The following VAV3 variants were observed in gnomAD, a reference collection of about 807,000 sequenced individuals.
VAV3 encodes guanine nucleotide exchange factor VAV3.
In VAV3, 94 loss-of-function variants were observed where a neutral mutation model predicts 131.2. The observed-to-expected ratio is 0.72, with a 90% confidence interval of 0.61 to 0.85. VAV3 has a LOEUF of 0.85. VAV3 is among the 40% of genes least tolerant of loss of function. VAV3 has a pLI of 0.00. For missense variants in VAV3, 939 were observed against 1,002.7 expected (o/e 0.94, Z 0.86); for synonymous variants, 349 against 342.0 (o/e 1.02, Z -0.22).
intron 8 of VAV3, among the ~76,000 whole-genome samples, chr1:107,766,202 C>T (rs533493426): frequency 3.3e-5 from 5 of 152,110 alleles, no homozygotes; most frequent in South Asian, 2.1e-4. Flanking sequence ...TTTTGATTTG[C>T]GATGCAAAAA....
chr1:107,831,594 G>C (rs954127037), intron 2 of VAV3, among the ~76,000 whole-genome samples: 2 of 152,028 alleles, frequency 1.3e-5, no homozygotes, highest in Non-Finnish European at 2.9e-5. Context: ...TCTCTCCATT[G>C]ATTTTCTGCC....
At position 107,749,428 on chromosome 1, in the gene VAV3, AG is replaced by A; in HGVS notation, c.1392+33del. 6 of 1,567,290 alleles carry A rather than the reference AG, an allele frequency of 3.8e-6. No homozygotes were observed. In the South Asian group the frequency reaches 7.2e-5, roughly 19 times the overall value. On this transcript the variant is annotated intron_variant, in intron 14 of 26. Transcript: ENST00000370056. ...CTTTTCCTTAATGTTCAAGATTATAAGTAAATTACAGTTATTAGTTTCCAAA... is the reference window on the plus strand; with the variant it reads ...CTTTTCCTTAATGTTCAAGATTATAATAAATTACAGTTATTAGTTTCCAAA...
In VAV3 at chr1:107,785,712, G is replaced by A. The variant is rs1279587073; in HGVS notation, c.322-6220C>T. Reference sequence around the variant, plus strand: ...GGGAGTGTGGGCATGAGTGCTGGGTGGAGAAATTCAGACAGAAGCATAGTC... The same window carrying A: ...GGGAGTGTGGGCATGAGTGCTGGGTAGAGAAATTCAGACAGAAGCATAGTC... On this transcript the variant is annotated intron_variant, in intron 2 of 26. Coordinates refer to ENST00000370056, the MANE Select transcript of VAV3 (RefSeq NM_006113.5). 13 of 1,012,764 alleles carry A rather than the reference G, an allele frequency of 1.3e-5. No individual in the cohort carries two copies. The South Asian group carries it at 1.9e-4, about 15-fold the overall frequency. 62.7% of individuals were successfully genotyped at this position (1,012,764 alleles called of 1,614,324 possible). A position where few individuals can be genotyped will look rare whatever the true frequency, so the allele number is the denominator to read the frequency against.
chr1:107,587,905 C>T (rs1650628263), intron 25 of VAV3, among the ~76,000 whole-genome samples: 1 of 152,052 alleles, frequency 6.6e-6, no homozygotes, highest in Non-Finnish European at 1.5e-5. Context: ...GACCAGTTTT[C>T]AATTTAGAAC....
chr1:107,775,283 G>A (rs957910780), intron 4 of VAV3, among the ~76,000 whole-genome samples: 1 of 151,934 alleles, frequency 6.6e-6, no homozygotes, highest in Admixed American at 6.6e-5. Flanking sequence ...ACTGGTATGG[G>A]TTAAAAAAGA....
At chr1:107,684,767 G>C (rs1053800998) in intron 18 of VAV3, among the ~76,000 whole-genome samples, 1 of 152,170 alleles carries the variant, frequency 6.6e-6, no homozygotes, top group African/African-American at 2.4e-5. Flanking sequence ...TTTTGCTCTA[G>C]ATTTGTTGGT....
intron 19 of VAV3, among the ~76,000 whole-genome samples, chr1:107,667,182 A>T (rs1657470797): frequency 6.6e-6 from 1 of 152,180 alleles, no homozygotes; most frequent in African/African-American, 2.4e-5. Context: ...TGATGCTAAT[A>T]TCTACCATTT....
At chr1:107,875,166 C>T (rs548139253) in intron 1 of VAV3, 149 bp from the exon 2 acceptor site, 1 of 669,232 alleles carries the variant, frequency 1.5e-6, no homozygotes, top group South Asian at 1.9e-5. Context: ...GCAGTACTGA[C>T]CGAGCCTGCA....
intron 1 of VAV3, among the ~76,000 whole-genome samples, chr1:107,943,872 C>T (rs1674119271): frequency 6.6e-6 from 1 of 152,222 alleles, no homozygotes; most frequent in South Asian, 2.1e-4. Flanking sequence ...CAAACCCCTT[C>T]CTAAGCCTCA....
chr1:107,824,568 G>T (rs1667934498), intron 2 of VAV3, among the ~76,000 whole-genome samples: 1 of 152,120 alleles, frequency 6.6e-6, no homozygotes, highest in Admixed American at 6.5e-5. Context: ...CAACCTACAG[G>T]TGTTCCTTAA....
At chr1:107,881,640 G>A (rs1670787129) in intron 1 of VAV3, among the ~76,000 whole-genome samples, 1 of 152,140 alleles carries the variant, frequency 6.6e-6, no homozygotes, top group South Asian at 2.1e-4. Flanking sequence ...TTATTTCAAG[G>A]TGAGGAAGGA....
At chr1:107,620,799 T>C (rs1373915409) in intron 20 of VAV3, among the ~76,000 whole-genome samples, 2 of 152,156 alleles carry the variant, frequency 1.3e-5, no homozygotes, top group Admixed American at 6.6e-5. Flanking sequence ...GAGATGAATT[T>C]TTTAGCTGAT....
At chr1:107,841,302 AAAAG>A (rs373155255) in intron 2 of VAV3, among the ~76,000 whole-genome samples, 147 of 152,304 alleles carry the variant, frequency 9.7e-4, no homozygotes, top group African/African-American at 3.1e-3. Flanking sequence ...GGGGGGTAGA[AAAAG>A]AAACAATTTT....
rs1444752002 is a variant in VAV3 at position 107,571,960 on chromosome 1, T to C, written c.*1371A>G. On this transcript the variant is annotated 3_prime_UTR_variant, in exon 27 of 27. Coordinates refer to ENST00000370056, the MANE Select transcript of VAV3 (RefSeq NM_006113.5). ...GAACTTAATGCTCCTGGTTCAGTTC[T>C]ACTAAGTTAATGCTTCTTTTTTTTC... is the stretch of plus-strand genomic sequence containing the variant. 1 of 152,572 alleles carries C rather than the reference T, an allele frequency of 6.6e-6. No homozygotes were observed. Among genetic ancestry groups the C allele is most frequent in the Non-Finnish European group, 1.5e-5 (1 of 68,048 alleles). 9.5% of individuals were successfully genotyped at this position (152,572 alleles called of 1,614,324 possible). A position where few individuals can be genotyped will look rare whatever the true frequency, so the allele number is the denominator to read the frequency against.
intron 1 of VAV3, among the ~76,000 whole-genome samples, chr1:107,920,525 A>G (rs1672844443): frequency 6.6e-6 from 1 of 152,226 alleles, no homozygotes; most frequent in Non-Finnish European, 1.5e-5. Context: ...TATCTCACAA[A>G]TGTGTATATC....
intron 1 of VAV3, among the ~76,000 whole-genome samples, chr1:107,964,013 T>A (rs138083468): frequency 1.4e-4 from 22 of 152,324 alleles, no homozygotes; most frequent in Admixed American, 1.4e-3. Context: ...AAACTTCTCA[T>A]TTCCTGTCGC....
At chr1:107,861,516 C>T (rs76374437) in intron 2 of VAV3, among the ~76,000 whole-genome samples, 1,843 of 151,600 alleles carry the variant, frequency 0.012, 56 homozygotes, top group African/African-American at 0.042. Context: ...ATATAAGGAG[C>T]AGATGCATAG....
chr1:107,762,926 T>C lies in VAV3; in HGVS notation c.922-2047A>G, dbSNP rs530657772. On this transcript the variant is annotated intron_variant, in intron 9 of 26. Transcript: ENST00000370056. The stretch of plus-strand genomic sequence containing the variant: ...AATTGTAATGGAAAATAAAATGAGG[T>C]AGGATGAGCCAGGCTGATAGGGCAA... Among the ~76,000 whole-genome samples the C allele has an allele frequency of 2.0e-5, 3 of 152,156 alleles. No individual in the cohort carries two copies. The South Asian group carries it at 6.2e-4, about 32-fold the overall frequency.
chr1:107,964,980 T>G lies in VAV3; in HGVS notation c.-111A>C. ...CGCCGACGCCAACAGCCGCCGGCCC[T>G]TTCCCCGCGCGGGATCGAGGGAGCA... On this transcript the variant is annotated 5_prime_UTR_variant, in exon 1 of 27. Coordinates refer to ENST00000370056, the MANE Select transcript of VAV3 (RefSeq NM_006113.5). 1.1e-6 allele frequency: 1 copy of G among 950,350 alleles called. No individual in the cohort carries two copies. Among genetic ancestry groups the G allele is most frequent in the Non-Finnish European group, 1.3e-6 (1 of 752,284 alleles). 58.9% of individuals were successfully genotyped at this position (950,350 alleles called of 1,614,324 possible).
Sources: gnomAD v4.1 joint callset for allele counts (sites outside exome capture counted in the v4.1 genomes callset) on GRCh38, gnomAD v4.1.1 for gene constraint, MANE v1.5 for transcripts, NCBI Gene and HGNC (gene_info 2026-07-23, HGNC 2026-07-21) for gene names.